ADGRA1: variants seen among roughly 807,000 people sequenced by gnomAD.
ADGRA1 encodes adhesion G protein-coupled receptor A1.
A neutral mutation model predicts 21.3 loss-of-function variants in ADGRA1; 12 were observed. The observed-to-expected ratio is 0.56, with a 90% CI of 0.36 to 0.91. ADGRA1 has a LOEUF of 0.91. Among genes scored for constraint, ADGRA1 ranks in the 40% least tolerant of loss-of-function variants. ADGRA1 has a pLI of 0.01. For missense variants in ADGRA1, 790 were observed against 805.6 expected, an observed-to-expected ratio of 0.98 and a Z score of 0.23; for synonymous variants, 385 against 368.8, an observed-to-expected ratio of 1.04 and a Z score of -0.50.
chr10:133,095,023 C>T (rs996100857), intron 2 of ADGRA1, among the ~76,000 whole-genome samples: 2 of 152,152 alleles, frequency 1.3e-5, no homozygotes, highest in Admixed American at 1.3e-4. Flanking sequence ...TGGCACCGCC[C>T]GAGCCACGCC....
At position 133,129,806 on chromosome 10, in the gene ADGRA1, G is replaced by A. The variant is rs911883376; in HGVS notation, c.*295G>A. ...GTGCTGGTCCCGCACACGGTCATCC[G>A]GTTTCTGTCCTGTGGTCTCCAGTCC... On this transcript the variant is annotated 3_prime_UTR_variant, in exon 7 of 7. Transcript: ENST00000392607. 13 of 388,920 alleles carry A rather than the reference G, an allele frequency of 3.3e-5. No individual in the cohort carries two copies. Among genetic ancestry groups the A allele is most frequent in the African/African-American group, 1.7e-4 (8 of 47,138 alleles). 24.1% of individuals were successfully genotyped at this position (388,920 alleles called of 1,614,324 possible).
chr10:133,094,878 C>G (rs1410193849), intron 2 of ADGRA1, among the ~76,000 whole-genome samples: 2 of 152,190 alleles, frequency 1.3e-5, no homozygotes. Context: ...CTCCACCTCC[C>G]AGCAGCAGAT....
chr10:133,116,215 A>G (rs1852155824), intron 5 of ADGRA1, among the ~76,000 whole-genome samples: 1 of 152,160 alleles, frequency 6.6e-6, no homozygotes, highest in Admixed American at 6.5e-5. Flanking sequence ...TGAAAGACAC[A>G]GTAACGAAAT....
chr10:133,096,892 C>T (rs1381309269), intron 2 of ADGRA1, 82 bp from the exon 3 acceptor site: 6 of 1,511,782 alleles, frequency 4.0e-6, no homozygotes, highest in African/African-American at 1.4e-5. Flanking sequence ...GGAAGCCGAG[C>T]CCCAAGGGTA....
At chr10:133,111,215 C>A (rs1344383273) in intron 5 of ADGRA1, among the ~76,000 whole-genome samples, 20 of 139,030 alleles carry the variant, frequency 1.4e-4, no homozygotes, top group Non-Finnish European at 2.9e-4. Flanking sequence ...AACCTGCCCA[C>A]CACAGGCACC....
chr10:133,111,127 CCGCCAGGGGTGCCTCCT>C (rs1851984442), intron 5 of ADGRA1, among the ~76,000 whole-genome samples: 1 of 151,806 alleles, frequency 6.6e-6, no homozygotes, highest in East Asian at 1.9e-4. Context: ...GGCCACCTGC[CCGCCAGGGGTGCCTCCT>C]CTCCTAATCC....
intron 5 of ADGRA1, among the ~76,000 whole-genome samples, chr10:133,104,416 C>A (rs1343835563): frequency 1.3e-5 from 2 of 152,212 alleles, no homozygotes; most frequent in Admixed American, 1.3e-4. Flanking sequence ...CCGTGGAACA[C>A]CCCGGCGCTC....
intron 5 of ADGRA1, among the ~76,000 whole-genome samples, chr10:133,116,105 G>T (rs563167578): frequency 7.1e-6 from 1 of 141,424 alleles, no homozygotes; most frequent in Non-Finnish European, 1.5e-5. Flanking sequence ...GCCCACCCAC[G>T]CCGCTCTGCA....
At chr10:133,097,632 C>T (rs1010960173) in intron 3 of ADGRA1, among the ~76,000 whole-genome samples, 5 of 152,204 alleles carry the variant, frequency 3.3e-5, no homozygotes, top group South Asian at 2.1e-4. Flanking sequence ...CGGGCACACA[C>T]GAGGCTGTGA....
At position 133,128,973 on chromosome 10, in the gene ADGRA1, C is replaced by G. The variant is rs973888353; in HGVS notation, c.1145C>G (p.Pro382Arg). 1 of 1,559,060 alleles carries G rather than the reference C, an allele frequency of 6.4e-7. No individual in the cohort carries two copies. The highest frequency in any genetic ancestry group is 8.7e-7 in the Non-Finnish European group (1 of 1,153,262). ...GCCAGTTGCCTGTCACCGGCCACCCCGTGCTGCGCCAAGATGCACTGCGAG... is the reference window on the plus strand; with the variant it reads ...GCCAGTTGCCTGTCACCGGCCACCCGGTGCTGCGCCAAGATGCACTGCGAG... ...GHASCLSPAT[P>R]CCAKMHCEPL... is the part of the protein sequence containing the mutation. The change falls in exon 7 of 7, where the codon CCG becomes CGG. Residue 382 changes from proline (P) to arginine (R), a missense_variant. Physicochemically the swap from Pro to Arg is moderately radical, Grantham distance 103. Around this residue, in one of 3 missense-constraint regions of ADGRA1, gnomAD observed 391 missense variants for 351.5 expected, o/e 1.11. Transcript: ENST00000392607.
chr10:133,105,107 C>T lies in ADGRA1; in HGVS notation c.401+2265C>T, dbSNP rs143190451. ...TACATGGCCCACACGTTATCCACGC[C>T]AGCAGAAATTTAGTTCCTGAGTTCC... On this transcript the variant is annotated intron_variant, in intron 5 of 6. Transcript: ENST00000392607. Among the ~76,000 whole-genome samples, 537 of 152,354 alleles carry T rather than the reference C, an allele frequency of 3.5e-3. 3 individuals are homozygous for T. The highest frequency in any genetic ancestry group is 0.012 in the African/African-American group (489 of 41,588).
In ADGRA1 at chr10:133,128,603, G is replaced by T. The variant is rs761682447; in HGVS notation, c.775G>T (p.Ala259Ser). 6.3e-7 allele frequency: 1 copy of T among 1,598,448 alleles called. No homozygotes were observed. Among genetic ancestry groups the T allele is most frequent in the Admixed American group, 1.7e-5 (1 of 58,766 alleles). ...CTCATTCCAGGCACAGCTGCGCGCC[G>T]CCGCCTTCACGCTGTTCCTGTTCAC... ...EHSFQAQLRAAAFTLFLFTAT... is the reference protein window; with the variant it reads ...EHSFQAQLRASAFTLFLFTAT... The change falls in exon 7 of 7, where the codon GCC becomes TCC. Residue 259 changes from alanine to serine, a missense_variant. By Grantham distance (99) the Ala-to-Ser change is moderately conservative (BLOSUM62 1). Around this residue, in one of 3 missense-constraint regions of ADGRA1, gnomAD observed 382 missense variants for 415.6 expected, o/e 0.92. Coordinates refer to ENST00000392607, the MANE Select transcript of ADGRA1 (RefSeq NM_001083909.3).
chr10:133,123,484 G>A (rs956808361), intron 5 of ADGRA1, among the ~76,000 whole-genome samples: 18 of 152,082 alleles, frequency 1.2e-4, no homozygotes, highest in African/African-American at 9.7e-5. Flanking sequence ...TCTCCTCCAC[G>A]AGGCTCCCCA....
At chr10:133,089,678 C>T (rs10857777) in intron 2 of ADGRA1, among the ~76,000 whole-genome samples, 1 of 152,086 alleles carries the variant, frequency 6.6e-6, no homozygotes, top group African/African-American at 2.4e-5. Flanking sequence ...CGCCGGCTGG[C>T]GTGCTTCGGA....
At chr10:133,102,632 G>T in intron 4 of ADGRA1, 65 bp from the exon 5 acceptor site, 2 of 1,545,242 alleles carry the variant, frequency 1.3e-6, no homozygotes, top group South Asian at 1.2e-5. Context: ...AGCCCGGGCC[G>T]AGGCTGCTGG....
rs980453980 is a variant in ADGRA1, at chr10:133,128,310, G to C, written c.501-19G>C. ...TGGCCGTGCTGGCCCCGCTGACACT[G>C]ACGTGCGTCTCCCCACAGCTGCTGG... On this transcript the variant is annotated intron_variant, in intron 6 of 6. Transcript: ENST00000392607. The C allele has an allele frequency of 1.8e-5, 28 of 1,514,290 alleles. No homozygotes were observed. The highest frequency in any genetic ancestry group is 2.5e-5 in the Non-Finnish European group (28 of 1,134,948). 93.8% of individuals were successfully genotyped at this position (1,514,290 alleles called of 1,614,324 possible). A position where few individuals can be genotyped will look rare whatever the true frequency, so the allele number is the denominator to read the frequency against.
intron 5 of ADGRA1, among the ~76,000 whole-genome samples, chr10:133,105,105 G>A (rs1026060807): frequency 1.8e-4 from 27 of 152,296 alleles, no homozygotes; most frequent in African/African-American, 6.3e-4. Context: ...CGTTATCCAC[G>A]CCAGCAGAAA....
intron 5 of ADGRA1, among the ~76,000 whole-genome samples, chr10:133,112,319 C>T (rs934084259): frequency 3.3e-4 from 50 of 150,778 alleles, no homozygotes; most frequent in African/African-American, 1.1e-3. Context: ...CTGCGGGCCG[C>T]ATCGGTTATC....
Position 133,129,555 on chromosome 10 carries a change from G to C in ADGRA1, c.*44G>C, listed in dbSNP as rs1465879535. The C allele has an allele frequency of 6.6e-7, 1 of 1,504,880 alleles. No individual in the cohort carries two copies. The highest frequency in any genetic ancestry group is 1.3e-5 in the South Asian group (1 of 78,386). 93.2% of individuals were successfully genotyped at this position (1,504,880 alleles called of 1,614,324 possible). On this transcript the variant is annotated 3_prime_UTR_variant, in exon 7 of 7. Transcript: ENST00000392607. ...GTGTTCCTGGAGGAGCTTCAGAGCA[G>C]AGTGGGGGGCCCATCTGCCACATGA... is the stretch of plus-strand genomic sequence containing the variant.
Sources: allele counts gnomAD v4.1 joint callset (sites outside exome capture counted in the v4.1 genomes callset), GRCh38; gene constraint gnomAD v4.1.1; regional missense constraint gnomAD v4.1.1; transcripts MANE v1.5; gene names NCBI Gene and HGNC (gene_info 2026-07-23, HGNC 2026-07-21).